SETD2: variants seen among roughly 807,000 people sequenced by gnomAD.
SETD2 encodes SET domain containing 2, histone lysine methyltransferase.
A neutral mutation model predicts 242.1 loss-of-function variants in SETD2; 31 were observed. That is an observed-to-expected ratio of 0.13 (90% CI 0.10 to 0.17). SETD2 has a LOEUF of 0.17. Among genes scored for constraint, SETD2 ranks in the 10% least tolerant of loss-of-function variants. The pLI is 1.00. For synonymous variants in SETD2, 1,006 were observed against 1,066.5 expected (o/e 0.94, Z 1.11); for missense variants, 2,481 against 3,046.3 (o/e 0.81, Z 4.37).
chr3:47,158,977 G>A (rs905125590), intron 1 of SETD2, among the ~76,000 whole-genome samples: 2 of 151,928 alleles, frequency 1.3e-5, no homozygotes, highest in Admixed American at 1.3e-4. Flanking sequence ...CTTAACACAG[G>A]CATTTAAAAA....
At chr3:47,111,079 TAAAAAAAAA>T (rs10672755) in intron 5 of SETD2, among the ~76,000 whole-genome samples, 81 of 78,798 alleles carry the variant, frequency 1.0e-3, no homozygotes, top group African/African-American at 1.5e-3. Flanking sequence ...GTGGTTCCTT[TAAAAAAAAA>T]AAAAAAAAAA....
Position 47,120,496 on chromosome 3 carries a change from A to G in SETD2, c.4140T>C (p.Thr1380=), listed in dbSNP as rs1420577966. 1 of 1,613,930 alleles carries G rather than the reference A, an allele frequency of 6.2e-7. No individual in the cohort carries two copies. Among genetic ancestry groups the G allele is most frequent in the South Asian group, 1.1e-5 (1 of 91,062 alleles). Residue 1380 remains threonine (T), a synonymous_variant, in exon 3 of 21, where the codon ACT becomes ACC. Coordinates refer to ENST00000409792, the MANE Select transcript of SETD2 (RefSeq NM_014159.7). ...AATCTTTCTTTTCATTCACAGCTAA[A>G]GTGTCCTTAATGGAATTGCTGCTTA... ...PEISSNSIKD[T]LAVNEKKDFS...
Position 47,123,397 on chromosome 3 carries a change from A to G in SETD2, c.1239T>C (p.Ser413=), listed in dbSNP as rs1369169200. 1.3e-6 allele frequency: 2 copies of G among 1,551,604 alleles called. No individual in the cohort carries two copies. The highest frequency in any genetic ancestry group is 2.7e-5 in the African/African-American group (2 of 73,060). Residue 413 remains serine (S), a synonymous_variant, in exon 3 of 21, where the codon TCT becomes TCC. Transcript: ENST00000409792. ...ACCTGGAATAGGATAAATTAGTTCTAGAGCCTCTCTCAGACCTAGAGTGAG... is the reference window on the plus strand; with the variant it reads ...ACCTGGAATAGGATAAATTAGTTCTGGAGCCTCTCTCAGACCTAGAGTGAG... The part of the protein sequence containing the change: ...SRSHSRSERG[S]RTNLSYSRSE...
chr3:47,074,312 G>A (rs2040955977), intron 12 of SETD2, among the ~76,000 whole-genome samples: 1 of 152,122 alleles, frequency 6.6e-6, no homozygotes, highest in Non-Finnish European at 1.5e-5. Flanking sequence ...GAAATCAGAT[G>A]GAAGCCAAGG....
intron 18 of SETD2, among the ~76,000 whole-genome samples, chr3:47,036,424 G>C (rs553789761): frequency 6.6e-6 from 1 of 151,770 alleles, no homozygotes; most frequent in African/African-American, 2.4e-5. Context: ...GCATGGTGGC[G>C]CACACCTATA....
rs746725061 is a variant in SETD2, at chr3:47,163,835, C to T, written c.71+19G>A. 5 of 1,273,324 alleles carry T rather than the reference C, an allele frequency of 3.9e-6. No homozygotes were observed. Among genetic ancestry groups the T allele is most frequent in the South Asian group, 7.2e-5 (2 of 27,900 alleles). 78.9% of individuals were successfully genotyped at this position (1,273,324 alleles called of 1,614,324 possible). ...TAAGGCGGCCGACAGCAGCGGGGGGCCGCGGAGCTGATACTTACTCAGGGG... is the reference window on the plus strand; with the variant it reads ...TAAGGCGGCCGACAGCAGCGGGGGGTCGCGGAGCTGATACTTACTCAGGGG... On this transcript the variant is annotated intron_variant, in intron 1 of 20. Transcript: ENST00000409792.
rs556528638 is a variant in SETD2 at position 47,119,104 on chromosome 3, G to C, written c.4454+1078C>G. ...TCCTTAAAGATACAATGGCTAGGTT[G>C]ATTCTCAACTAGCAGGAAAACTTCC... On this transcript the variant is annotated intron_variant, in intron 3 of 20. Coordinates refer to ENST00000409792, the MANE Select transcript of SETD2 (RefSeq NM_014159.7). Among the ~76,000 whole-genome samples, 280 of 152,234 alleles carry C rather than the reference G, an allele frequency of 1.8e-3. 2 individuals are homozygous for C. The highest frequency in any genetic ancestry group is 5.7e-3 in the African/African-American group (238 of 41,554).
At chr3:47,056,202 G>A (rs2107573674) in intron 15 of SETD2, among the ~76,000 whole-genome samples, 1 of 151,014 alleles carries the variant, frequency 6.6e-6, no homozygotes, top group South Asian at 2.1e-4. Flanking sequence ...TCAGCTCACT[G>A]TAACCTCTGC....
intron 18 of SETD2, among the ~76,000 whole-genome samples, chr3:47,021,942 A>C (rs1017238366): frequency 6.6e-6 from 1 of 151,884 alleles, no homozygotes; most frequent in African/African-American, 2.4e-5. Flanking sequence ...AGGTCAAGAG[A>C]TCAAGACCAT....
chr3:47,077,072 A>G (rs1182051554), intron 12 of SETD2, among the ~76,000 whole-genome samples: 1 of 152,192 alleles, frequency 6.6e-6, no homozygotes, highest in Non-Finnish European at 1.5e-5. Context: ...AAAAGTGGCA[A>G]AGAAGAGATG....
At chr3:47,088,079 A>T (rs200624980) in intron 10 of SETD2, 34 bp downstream of exon 10, 3 of 1,587,502 alleles carry the variant, frequency 1.9e-6, no homozygotes, top group Non-Finnish European at 2.6e-6. Context: ...CCACCACAAA[A>T]CCAGAAATAA....
chr3:47,038,786 T>C (rs2039142121), intron 17 of SETD2, among the ~76,000 whole-genome samples: 1 of 152,180 alleles, frequency 6.6e-6, no homozygotes, highest in Non-Finnish European at 1.5e-5. Context: ...GGATAAAAAG[T>C]GGAAGTAAGG....
chr3:47,089,933 G>C (rs1405234419), intron 9 of SETD2, among the ~76,000 whole-genome samples: 1 of 152,162 alleles, frequency 6.6e-6, no homozygotes, highest in South Asian at 2.1e-4. Flanking sequence ...GCATGGTGAC[G>C]GACTGAGAAA....
intron 19 of SETD2, among the ~76,000 whole-genome samples, chr3:47,019,336 G>A (rs1487112392): frequency 6.6e-6 from 1 of 152,188 alleles, no homozygotes; most frequent in African/African-American, 2.4e-5. Flanking sequence ...CCTACCTCAA[G>A]GGCTGTTGTG....
intron 1 of SETD2, among the ~76,000 whole-genome samples, chr3:47,127,209 A>T (rs1183536436): frequency 2.0e-5 from 3 of 151,936 alleles, no homozygotes; most frequent in Non-Finnish European, 4.4e-5. Context: ...ATACAAAAAA[A>T]TAGCCAGACA....
chr3:47,143,774 G>A (rs577670211), intron 1 of SETD2, among the ~76,000 whole-genome samples: 37 of 151,910 alleles, frequency 2.4e-4, no homozygotes, highest in Admixed American at 1.4e-3. Flanking sequence ...GCAGTGGCGC[G>A]ATCTCGGCTC....
At chr3:47,077,089 CTTAT>C (rs1228757748) in intron 12 of SETD2, among the ~76,000 whole-genome samples, 1 of 152,024 alleles carries the variant, frequency 6.6e-6, no homozygotes, top group African/African-American at 2.4e-5. Flanking sequence ...GATGCTGTGC[CTTAT>C]TTATTTTTCG....
intron 15 of SETD2, among the ~76,000 whole-genome samples, chr3:47,050,541 G>A (rs1021401738): frequency 6.6e-5 from 10 of 151,838 alleles, no homozygotes; most frequent in African/African-American, 1.2e-4. Flanking sequence ...CTTTTTGAGC[G>A]TCCACATGGT....
intron 1 of SETD2, 48 bp downstream of exon 1, chr3:47,163,806 G>C: frequency 2.7e-5 from 34 of 1,246,270 alleles, no homozygotes; most frequent in Non-Finnish European, 3.3e-5. Context: ...CCCTCGGCTG[G>C]GGATAAGGCG....
Sources: allele counts gnomAD v4.1 joint callset (sites outside exome capture counted in the v4.1 genomes callset), GRCh38; gene constraint gnomAD v4.1.1; transcripts MANE v1.5; gene names NCBI Gene and HGNC (gene_info 2026-07-23, HGNC 2026-07-21).